The following SEC16A variants were observed in gnomAD, a reference collection of about 807,000 sequenced individuals.
The protein encoded by SEC16A is protein transport protein Sec16A.
Under a neutral mutation model 221.9 loss-of-function variants are expected in SEC16A, and 110 were observed. The ratio of observed to expected loss-of-function variants is 0.50; its 90% CI spans 0.42 to 0.58. The LOEUF (loss-of-function observed/expected upper bound fraction) is 0.58, where lower values mean the gene tolerates loss of function less well. Among genes scored for constraint, SEC16A ranks in the 20% least tolerant of loss-of-function variants. The pLI, the probability that SEC16A is intolerant of heterozygous loss-of-function variation, is 0.00. For missense variants in SEC16A, 3,165 were observed against 3,097.8 expected, an observed-to-expected ratio of 1.02 and a Z score of -0.52; for synonymous variants, 1,393 against 1,257.7, an observed-to-expected ratio of 1.11 and a Z score of -2.28.
At chr9:136,473,057 G>C (rs1037700828) in intron 3 of SEC16A, among the ~76,000 whole-genome samples, 52 of 152,368 alleles carry the variant, frequency 3.4e-4, no homozygotes, top group African/African-American at 1.3e-3. Context: ...ACAGGTCTGA[G>C]GGGTCAGGTG....
In SEC16A at chr9:136,447,162, G is replaced by C. The variant is rs1302181085; in HGVS notation, c.6697+65C>G. ...ACGGGAGATTTAGGAGAGACTCATA[G>C]AAAGAGGATCAAAGGTCAGGAGACT... On this transcript the variant is annotated intron_variant, in intron 27 of 31. Coordinates refer to ENST00000684901, the MANE Select transcript of SEC16A (RefSeq NM_014866.2). This position sits in a 1 kb window ranked among gnomAD's most constrained non-coding sequence, Gnocchi z 5.5. 6.5e-7 allele frequency: 1 copy of C among 1,550,148 alleles called. No individual in the cohort carries two copies. The highest frequency in any genetic ancestry group is 1.4e-5 in the African/African-American group (1 of 73,346).
chr9:136,444,223 G>C (rs1264859642), intron 30 of SEC16A: 1 of 208,632 alleles, frequency 4.8e-6, no homozygotes, highest in East Asian at 1.3e-4. Context: ...CTCCAGCCAT[G>C]ACACGAGGCC....
At chr9:136,453,573 G>T in intron 21 of SEC16A, 63 bp from the exon 22 acceptor site, 2 of 1,354,328 alleles carry the variant, frequency 1.5e-6, no homozygotes, top group Non-Finnish European at 1.1e-6. Context: ...TGTGTGTGGC[G>T]CACAGATCAA....
In SEC16A at chr9:136,462,959, C is replaced by G; in HGVS notation, c.4821G>C (p.Pro1607=). 4 of 1,607,528 alleles carry G rather than the reference C, an allele frequency of 2.5e-6. No individual in the cohort carries two copies. Among genetic ancestry groups the G allele is most frequent in the Non-Finnish European group, 3.4e-6 (4 of 1,179,852 alleles). The change falls in exon 12 of 32, where the codon CCG becomes CCC. Residue 1607 remains proline, a synonymous_variant. Transcript: ENST00000684901. ...EAQLSFLTGG[P]AAAASSLERE... is the part of the protein sequence containing the mutation. ...TCTCGAGCGAGCTGGCGGCAGCCGCCGGACCACCAGTGAGGAAAGAGAGCT... is the reference window on the plus strand; with the variant it reads ...TCTCGAGCGAGCTGGCGGCAGCCGCGGGACCACCAGTGAGGAAAGAGAGCT...
At chr9:136,451,682 C>CT (rs1306117981) in intron 22 of SEC16A, among the ~76,000 whole-genome samples, 1 of 152,108 alleles carries the variant, frequency 6.6e-6, no homozygotes, top group Non-Finnish European at 1.5e-5. Context: ...CAAATGAGGG[C>CT]GTTCGATGGA....
At chr9:136,457,897 C>T (rs1481105638) in intron 17 of SEC16A, among the ~76,000 whole-genome samples, 3 of 152,236 alleles carry the variant, frequency 2.0e-5, no homozygotes, top group Non-Finnish European at 4.4e-5. Context: ...AAGAGCACGG[C>T]ACTGAGACCA....
In SEC16A at chr9:136,466,538, C is replaced by T; in HGVS notation, c.3930-76G>A. 1 of 1,408,988 alleles carries T rather than the reference C, an allele frequency of 7.1e-7. No homozygotes were observed. Among genetic ancestry groups the T allele is most frequent in the Admixed American group, 2.4e-5 (1 of 42,248 alleles). The allele number at this position is 1,408,988 out of a possible 1,614,324, so 87.3% of individuals were successfully genotyped here. A position where few individuals can be genotyped will look rare whatever the true frequency, so the allele number is the denominator to read the frequency against. On this transcript the variant is annotated intron_variant, in intron 6 of 31. Coordinates refer to ENST00000684901, the MANE Select transcript of SEC16A (RefSeq NM_014866.2). The surrounding 1 kb of genome is among the most constrained non-coding windows in gnomAD (Gnocchi z 5.5). ...CGTCCCCATGTGCCACGCAGCTGCC[C>T]AGGAGCTGAGACCGAGACCCCTGGG...
chr9:136,474,413 G>A lies in SEC16A; in HGVS notation c.3203C>T (p.Ala1068Val), dbSNP rs772053581. ...QQELVPPQQQ[A>V]SPPQLPKAMF... ...GGCTTTGGGTAGTTGTGGGGGAGAA[G>A]CCTGTTGCTGGGGTGGCACCAGCTC... The change falls in exon 3 of 32, where the codon GCT (alanine) becomes GTT (valine). Residue 1068 changes from alanine to valine, a missense_variant. Ala to Val is a moderately conservative substitution (Grantham distance 64). Transcript: ENST00000684901. 2 of 1,612,890 alleles carry A rather than the reference G, an allele frequency of 1.2e-6. No individual in the cohort carries two copies. Among genetic ancestry groups the A allele is most frequent in the East Asian group, 2.2e-5 (1 of 44,890 alleles).
intron 31 of SEC16A, among the ~76,000 whole-genome samples, chr9:136,442,973 A>G (rs972933813): frequency 2.0e-5 from 3 of 152,270 alleles, no homozygotes; most frequent in South Asian, 2.1e-4. Context: ...CACCAAGACA[A>G]ACAGAGTAAC....
chr9:136,445,733 G>C lies in SEC16A; in HGVS notation c.6793-14C>G. ...AGAGCTTAAAACCTGCCGAGGAAAA[G>C]AAGAATTGCAGCAACCAAATCCCAG... On this transcript the variant is annotated splice_polypyrimidine_tract_variant and intron_variant, in intron 28 of 31. Coordinates refer to ENST00000684901, the MANE Select transcript of SEC16A (RefSeq NM_014866.2). The C allele has an allele frequency of 6.5e-7, 1 of 1,549,840 alleles. No homozygotes were observed. The highest frequency in any genetic ancestry group is 8.7e-7 in the Non-Finnish European group (1 of 1,146,494).
chr9:136,459,565 G>A lies in SEC16A; in HGVS notation c.5192-10C>T. 6.4e-7 allele frequency: 1 copy of A among 1,574,782 alleles called. No individual in the cohort carries two copies. The highest frequency in any genetic ancestry group is 8.6e-7 in the Non-Finnish European group (1 of 1,157,630). ...AAGAGGCCCCTTGAAGCTGCGGAGA[G>A]ACGACACGACACACGGCGGGGGCTC... is the stretch of plus-strand genomic sequence containing the variant. On this transcript the variant is annotated splice_polypyrimidine_tract_variant and intron_variant, in intron 15 of 31. Transcript: ENST00000684901. The surrounding 1 kb of genome is among the most constrained non-coding windows in gnomAD (Gnocchi z 6.1).
intron 17 of SEC16A, 71 bp from the exon 18 acceptor site, chr9:136,457,655 T>C (rs1838874574): frequency 3.9e-6 from 6 of 1,530,286 alleles, no homozygotes; most frequent in Non-Finnish European, 5.3e-6. Flanking sequence ...CAAAGCCTTG[T>C]ACTGCCCTGA....
chr9:136,473,843 G>A (rs1030158647), intron 3 of SEC16A, among the ~76,000 whole-genome samples: 3 of 152,212 alleles, frequency 2.0e-5, no homozygotes, highest in East Asian at 3.8e-4. Flanking sequence ...GTGAACTAAG[G>A]GTGGCCTGTG....
intron 3 of SEC16A, among the ~76,000 whole-genome samples, chr9:136,473,391 C>T (rs554285445): frequency 5.3e-5 from 8 of 152,356 alleles, no homozygotes; most frequent in African/African-American, 1.4e-4. Flanking sequence ...AGACACTTTT[C>T]GAACGACTGC....
chr9:136,455,102 C>T (rs1355395649), intron 20 of SEC16A, among the ~76,000 whole-genome samples: 2 of 152,216 alleles, frequency 1.3e-5, no homozygotes, highest in African/African-American at 4.8e-5. Flanking sequence ...CTCATCCAGG[C>T]ATGCGGACCT....
Position 136,456,184 on chromosome 9 carries a change from T to C in SEC16A, c.5551-18A>G, listed in dbSNP as rs774159902. ...GAAGCCATCTAGACACGGGCAAAAA[T>C]CAAAGGCCCCTGTCACCACCGGGTG... On this transcript the variant is annotated intron_variant, in intron 18 of 31. Transcript: ENST00000684901. The C allele has an allele frequency of 6.3e-7, 1 of 1,589,474 alleles. No individual in the cohort carries two copies. Among genetic ancestry groups the C allele is most frequent in the Admixed American group, 1.7e-5 (1 of 59,240 alleles).
intron 13 of SEC16A, among the ~76,000 whole-genome samples, 198 bp from the exon 14 acceptor site, chr9:136,460,321 G>A (rs2132315615): frequency 6.6e-6 from 1 of 152,194 alleles, no homozygotes; most frequent in East Asian, 1.9e-4. Context: ...CGGGTGTGGT[G>A]GTGCACACCT....
chr9:136,463,383 C>T, intron 11 of SEC16A, 80 bp downstream of exon 11: 1 of 1,554,530 alleles, frequency 6.4e-7, no homozygotes, highest in Non-Finnish European at 8.8e-7. Flanking sequence ...TCCCGCCCTG[C>T]TCCTTCGGGA....
At chr9:136,453,755 C>A in intron 21 of SEC16A, among the ~76,000 whole-genome samples, 1 of 152,220 alleles carries the variant, frequency 6.6e-6, no homozygotes, top group East Asian at 1.9e-4. Flanking sequence ...GGACAAGATC[C>A]ACCAAATCGA....
Sources: allele counts gnomAD v4.1 joint callset (sites outside exome capture counted in the v4.1 genomes callset), GRCh38; gene constraint gnomAD v4.1.1; non-coding constraint Gnocchi (gnomAD v3.1); transcripts MANE v1.5; gene names NCBI Gene and HGNC (gene_info 2026-07-23, HGNC 2026-07-21).